The following PTGES3 variants were observed in gnomAD, a reference collection of about 807,000 sequenced individuals.
PTGES3 encodes prostaglandin E synthase 3, also known as Hsp90 co-chaperone.
PTGES3 carries 5 observed loss-of-function variants against 29.9 expected under a neutral mutation model. The ratio of observed to expected loss-of-function variants is 0.17; its 90% confidence interval spans 0.09 to 0.35. The LOEUF is 0.35. Ranked by LOEUF, PTGES3 falls within the 10% of genes least tolerant of loss-of-function variation. The pLI is 1.00. For synonymous variants in PTGES3, 49 were observed against 57.8 expected (o/e 0.85, Z 0.69); for missense variants, 128 against 190.0 (o/e 0.67, Z 1.92).
intron 1 of PTGES3, among the ~76,000 whole-genome samples, chr12:56,677,557 T>A (rs1346619080): frequency 6.6e-6 from 1 of 152,194 alleles, no homozygotes; most frequent in Non-Finnish European, 1.5e-5. Context: ...TAGTTTCTTA[T>A]ATAACCATAC....
chr12:56,664,246 G>A lies in PTGES3; in HGVS notation c.*233C>T. The A allele has an allele frequency of 2.4e-6, 1 of 412,962 alleles. No individual in the cohort carries two copies. Among genetic ancestry groups the A allele is most frequent in the Non-Finnish European group, 4.5e-6 (1 of 223,680 alleles). The allele number at this position is 412,962 out of a possible 1,614,324, so 25.6% of individuals were successfully genotyped here. On this transcript the variant is annotated 3_prime_UTR_variant, in exon 8 of 8. Coordinates refer to ENST00000262033, the MANE Select transcript of PTGES3 (RefSeq NM_006601.7). Reference sequence around the variant, plus strand: ...CCTCAACAGCTTCATGAAAGTCTGGGAAATGTTCATGCATAAGGTTATTGC... The same window carrying A: ...CCTCAACAGCTTCATGAAAGTCTGGAAAATGTTCATGCATAAGGTTATTGC...
At chr12:56,668,311 T>C (rs1055758764) in intron 5 of PTGES3, among the ~76,000 whole-genome samples, 6 of 152,138 alleles carry the variant, frequency 3.9e-5, no homozygotes, top group African/African-American at 9.7e-5. Flanking sequence ...AAATGCTAAA[T>C]GTACCAAGCA....
chr12:56,670,705 G>A, intron 4 of PTGES3: 1 of 210,190 alleles, frequency 4.8e-6, no homozygotes, highest in Non-Finnish European at 9.8e-6. Flanking sequence ...ACCCTCCAGA[G>A]TAGCTTTTAA....
chr12:56,672,862 A>G, intron 2 of PTGES3, 53 bp from the exon 3 acceptor site: 2 of 1,552,120 alleles, frequency 1.3e-6, no homozygotes, highest in South Asian at 1.2e-5. Flanking sequence ...ACAAAGATTA[A>G]TAATAACTTC....
chr12:56,666,309 T>C, intron 5 of PTGES3, 43 bp from the exon 6 acceptor site: 4 of 1,592,998 alleles, frequency 2.5e-6, no homozygotes, highest in Non-Finnish European at 3.4e-6. Context: ...GATGTTAAGT[T>C]AGGCCCTAAT....
intron 1 of PTGES3, among the ~76,000 whole-genome samples, chr12:56,684,927 C>T (rs1460767773): frequency 6.6e-6 from 1 of 152,144 alleles, no homozygotes. Context: ...GCCTTTAAGA[C>T]ACCCAGCATA....
At chr12:56,682,716 T>TAAAACAAA (rs1434495526) in intron 1 of PTGES3, among the ~76,000 whole-genome samples, 1 of 18,112 alleles carries the variant, frequency 5.5e-5, no homozygotes, top group Non-Finnish European at 9.4e-5. Flanking sequence ...CGTCTCCATT[T>TAAAACAAA]AAAAGAAAAA....
chr12:56,666,165 A>G (rs1299799361), intron 6 of PTGES3, 39 bp downstream of exon 6: 2 of 1,559,300 alleles, frequency 1.3e-6, no homozygotes, highest in Non-Finnish European at 1.7e-6. Flanking sequence ...ACTATTTAAT[A>G]GTATGAAAGT....
At chr12:56,666,583 G>T (rs1333430629) in intron 5 of PTGES3, among the ~76,000 whole-genome samples, 2 of 152,130 alleles carry the variant, frequency 1.3e-5, no homozygotes, top group Non-Finnish European at 2.9e-5. Context: ...GGATTCATTT[G>T]TAGTTGCACA....
At chr12:56,677,164 T>C (rs767068216) in intron 1 of PTGES3, among the ~76,000 whole-genome samples, 15 of 149,590 alleles carry the variant, frequency 1.0e-4, no homozygotes, top group Non-Finnish European at 2.1e-4. Flanking sequence ...TGCTTGAACA[T>C]GAAAGGCAGA....
At chr12:56,667,652 G>C (rs1951838913) in intron 5 of PTGES3, among the ~76,000 whole-genome samples, 1 of 152,228 alleles carries the variant, frequency 6.6e-6, no homozygotes, top group Non-Finnish European at 1.5e-5. Context: ...CAAAAATAGA[G>C]AGTAGAATGG....
At chr12:56,670,231 A>C (rs748432057) in intron 5 of PTGES3, 44 bp downstream of exon 5, 1 of 1,272,304 alleles carries the variant, frequency 7.9e-7, no homozygotes, top group Non-Finnish European at 1.1e-6. Context: ...ATAGACAGGT[A>C]CCGTGTGCTT....
chr12:56,665,284 CTTTTT>C (rs59007550), intron 6 of PTGES3: 2,381 of 800,878 alleles, frequency 3.0e-3, no homozygotes, highest in South Asian at 3.8e-3. Context: ...CAATGTCCAT[CTTTTT>C]TTTTTTTTTT....
rs1219463693 is a variant in PTGES3, at chr12:56,663,831, T to C, written c.*648A>G. 1 of 152,712 alleles carries C rather than the reference T, an allele frequency of 6.5e-6. No homozygotes were observed. The highest frequency in any genetic ancestry group is 6.6e-5 in the Admixed American group (1 of 15,260). The allele number at this position is 152,712 out of a possible 1,614,324, so 9.5% of individuals were successfully genotyped here. ...AATGTACAGCTTTCTTCGTCCTCCA[T>C]GCTAAGAGATGTAAAAGCTTAAGGG... On this transcript the variant is annotated 3_prime_UTR_variant, in exon 8 of 8. Transcript: ENST00000262033.
intron 1 of PTGES3, among the ~76,000 whole-genome samples, chr12:56,684,292 A>T (rs1422693656): frequency 6.6e-6 from 1 of 152,212 alleles, no homozygotes; most frequent in Admixed American, 6.6e-5. Context: ...CACTCAAGAA[A>T]TTTTTCACTT....
intron 1 of PTGES3, among the ~76,000 whole-genome samples, chr12:56,678,051 C>A (rs1294507296): frequency 6.6e-6 from 1 of 151,826 alleles, no homozygotes; most frequent in East Asian, 1.9e-4. Context: ...TGGTGTCAGA[C>A]ATTTATAGGC....
rs2137765895 is a variant in PTGES3 at position 56,688,204 on chromosome 12, T to G, written c.-205A>C. On this transcript the variant is annotated 5_prime_UTR_variant, in exon 1 of 8. Coordinates refer to ENST00000262033, the MANE Select transcript of PTGES3 (RefSeq NM_006601.7). ...CGCGCGGAAAGAGCGGCTCCTCCGGTCGGGGAGAAGAGGAAAGTGTAGGAA... is the reference window on the plus strand; with the variant it reads ...CGCGCGGAAAGAGCGGCTCCTCCGGGCGGGGAGAAGAGGAAAGTGTAGGAA... 3 of 922,674 alleles carry G rather than the reference T, an allele frequency of 3.3e-6. No individual in the cohort carries two copies. The highest frequency in any genetic ancestry group is 3.3e-5 in the East Asian group (1 of 30,420). 57.2% of individuals were successfully genotyped at this position (922,674 alleles called of 1,614,324 possible).
At chr12:56,676,651 A>G (rs998954973) in intron 1 of PTGES3, among the ~76,000 whole-genome samples, 1 of 152,088 alleles carries the variant, frequency 6.6e-6, no homozygotes, top group Non-Finnish European at 1.5e-5. Flanking sequence ...GAAAAGTGCT[A>G]AGTGGGTATG....
At chr12:56,671,902 G>T in intron 3 of PTGES3, 55 bp from the exon 4 acceptor site, 1 of 1,083,760 alleles carries the variant, frequency 9.2e-7, no homozygotes, top group South Asian at 2.0e-5. Context: ...CTACATGATA[G>T]AAAATAGCTT....
Sources: allele counts gnomAD v4.1 joint callset (sites outside exome capture counted in the v4.1 genomes callset), GRCh38; gene constraint gnomAD v4.1.1; transcripts MANE v1.5; gene names NCBI Gene and HGNC (gene_info 2026-07-23, HGNC 2026-07-21).